Variants in SAMD4A observed in about 807,000 individuals in gnomAD.
The protein encoded by SAMD4A is sterile alpha motif domain containing 4A, also known as protein Smaug homolog 1.
Under a neutral mutation model 81.3 loss-of-function variants are expected in SAMD4A, and 33 were observed. The observed-to-expected ratio is 0.41, with a 90% CI of 0.31 to 0.54. The LOEUF is 0.54. Among genes scored for constraint, SAMD4A ranks in the 20% least tolerant of loss-of-function variants. The pLI, the probability that SAMD4A is intolerant of heterozygous loss-of-function variation, is 0.37. For missense variants in SAMD4A, 854 were observed against 951.1 expected, an observed-to-expected ratio of 0.90 and a Z score of 1.34; for synonymous variants, 389 against 382.1, an observed-to-expected ratio of 1.02 and a Z score of -0.21.
At chr14:54,685,995 C>A in intron 2 of SAMD4A, 1 of 409,888 alleles carries the variant, frequency 2.4e-6, no homozygotes, top group South Asian at 1.8e-5. Flanking sequence ...GAAGCTCATA[C>A]AAAGGTCCTA....
intron 2 of SAMD4A, chr14:54,694,792 C>T (rs2036537116): frequency 2.0e-6 from 2 of 985,466 alleles, no homozygotes; most frequent in African/African-American, 3.5e-5. Context: ...CTCAGGACTA[C>T]TTCCCAGCTG....
chr14:54,623,672 C>T (rs980877560), intron 2 of SAMD4A, among the ~76,000 whole-genome samples: 9 of 151,822 alleles, frequency 5.9e-5, no homozygotes, highest in African/African-American at 9.7e-5. Flanking sequence ...TTGCTGAATT[C>T]GAGGGAAGGA....
chr14:54,681,192 C>T (rs910620740), intron 2 of SAMD4A, among the ~76,000 whole-genome samples: 2 of 150,958 alleles, frequency 1.3e-5, no homozygotes, highest in South Asian at 2.1e-4. Flanking sequence ...CCCCAGCCCC[C>T]CAACCCCCCA....
intron 2 of SAMD4A, among the ~76,000 whole-genome samples, chr14:54,625,992 A>C (rs920911193): frequency 6.6e-6 from 1 of 151,538 alleles, no homozygotes; most frequent in Non-Finnish European, 1.5e-5. Flanking sequence ...GGACATACTT[A>C]CAGAATAGCA....
At chr14:54,619,932 T>C (rs2034576237) in intron 2 of SAMD4A, among the ~76,000 whole-genome samples, 1 of 152,214 alleles carries the variant, frequency 6.6e-6, no homozygotes, top group Non-Finnish European at 1.5e-5. Flanking sequence ...TTTTAAAGTA[T>C]TGTTTATTTT....
At chr14:54,706,540 G>T (rs926752488) in intron 3 of SAMD4A, among the ~76,000 whole-genome samples, 23 of 151,864 alleles carry the variant, frequency 1.5e-4, no homozygotes, top group Middle Eastern at 6.8e-3. Context: ...GGGAGACAGA[G>T]GTTGTAGTGA....
At chr14:54,633,563 G>T (rs111683973) in intron 2 of SAMD4A, among the ~76,000 whole-genome samples, 14 of 152,092 alleles carry the variant, frequency 9.2e-5, no homozygotes, top group African/African-American at 3.4e-4. Flanking sequence ...AGCCATGTCA[G>T]AGAGTGGGGT....
At chr14:54,756,023 C>T (rs996202287) in intron 6 of SAMD4A, among the ~76,000 whole-genome samples, 1 of 152,188 alleles carries the variant, frequency 6.6e-6, no homozygotes, top group African/African-American at 2.4e-5. Context: ...TCTTCAAACA[C>T]ATCCAGATCT....
intron 2 of SAMD4A, among the ~76,000 whole-genome samples, chr14:54,596,882 G>A (rs74916060): frequency 0.016 from 2,498 of 152,216 alleles, 69 homozygotes; most frequent in African/African-American, 0.052. Flanking sequence ...ATATCCAGCC[G>A]GGAGAGAAAA....
intron 2 of SAMD4A, among the ~76,000 whole-genome samples, chr14:54,697,727 C>T (rs1393310732): frequency 1.3e-5 from 2 of 152,256 alleles, no homozygotes; most frequent in East Asian, 3.9e-4. Context: ...AAACATGTTA[C>T]ACAGTTTCTG....
chr14:54,742,691 A>G (rs1323427509), intron 4 of SAMD4A, among the ~76,000 whole-genome samples: 1 of 152,130 alleles, frequency 6.6e-6, no homozygotes, highest in Non-Finnish European at 1.5e-5. Context: ...ACTGTTACGA[A>G]TCAACACCAA....
intron 2 of SAMD4A, among the ~76,000 whole-genome samples, chr14:54,686,874 T>C (rs900848858): frequency 6.6e-6 from 1 of 152,226 alleles, no homozygotes; most frequent in African/African-American, 2.4e-5. Flanking sequence ...AATGTACTTA[T>C]GTCATTTTGA....
At chr14:54,678,436 TGTG>T (rs2036042052) in intron 2 of SAMD4A, among the ~76,000 whole-genome samples, 5 of 15,304 alleles carry the variant, frequency 3.3e-4, no homozygotes, top group East Asian at 1.3e-3. Context: ...TCACCATTTG[TGTG>T]TGTGTGTGTG....
chr14:54,713,250 G>A (rs544253586), intron 3 of SAMD4A, among the ~76,000 whole-genome samples: 1 of 152,106 alleles, frequency 6.6e-6, no homozygotes, highest in African/African-American at 2.4e-5. Context: ...ACCGAGGTGA[G>A]GGTAAATGTT....
intron 2 of SAMD4A, among the ~76,000 whole-genome samples, chr14:54,683,624 A>G (rs2036181153): frequency 6.6e-6 from 1 of 152,092 alleles, no homozygotes. Context: ...CTTCCTGAGG[A>G]CCGCCTGTCT....
chr14:54,783,296 C>G (rs973911456), intron 11 of SAMD4A, among the ~76,000 whole-genome samples: 4 of 152,120 alleles, frequency 2.6e-5, no homozygotes, highest in Non-Finnish European at 4.4e-5. Context: ...GTGGGAGATT[C>G]AGAGAGATAG....
At chr14:54,782,580 C>T (rs879863149) in intron 11 of SAMD4A, among the ~76,000 whole-genome samples, 7 of 152,186 alleles carry the variant, frequency 4.6e-5, no homozygotes, top group Non-Finnish European at 7.4e-5. Flanking sequence ...GAAGCTCAGT[C>T]GGCCTCCGTC....
chr14:54,663,869 C>G (rs1046323053), intron 2 of SAMD4A, among the ~76,000 whole-genome samples: 1 of 152,182 alleles, frequency 6.6e-6, no homozygotes, highest in Non-Finnish European at 1.5e-5. Flanking sequence ...TCCAGTGAGC[C>G]ATCCCACCCA....
At chr14:54,719,072 T>C (rs2037196171) in intron 3 of SAMD4A, among the ~76,000 whole-genome samples, 1 of 151,960 alleles carries the variant, frequency 6.6e-6, no homozygotes, top group South Asian at 2.1e-4. Flanking sequence ...CCTTTCCCCA[T>C]TCCCCTTCCT....
Sources: gnomAD v4.1 joint callset for allele counts (sites outside exome capture counted in the v4.1 genomes callset) on GRCh38, gnomAD v4.1.1 for gene constraint, MANE v1.5 for transcripts, NCBI Gene and HGNC (gene_info 2026-07-23, HGNC 2026-07-21) for gene names.